HIPK1: variants seen among roughly 807,000 people sequenced by gnomAD.
HIPK1 encodes the protein homeodomain interacting protein kinase 1, also known as homeodomain-interacting protein kinase 1.
HIPK1 carries 28 observed loss-of-function variants against 117.1 expected under a neutral mutation model. That is an observed-to-expected ratio of 0.24 (90% CI 0.18 to 0.33). The LOEUF is 0.33. Ranked by LOEUF, HIPK1 falls within the 10% of genes least tolerant of loss-of-function variation. HIPK1 has a pLI of 1.00. For missense variants in HIPK1, 1,122 were observed against 1,475.1 expected (o/e 0.76, Z 3.92); for synonymous variants, 605 against 562.5 (o/e 1.08, Z -1.07).
intron 8 of HIPK1, 148 bp downstream of exon 8, chr1:113,958,439 T>A: frequency 1.6e-6 from 1 of 609,174 alleles, no homozygotes; most frequent in Non-Finnish European, 2.9e-6. Context: ...ACAAAATGGA[T>A]TTTCTCTTTT....
Position 113,940,423 on chromosome 1 carries a change from T to C in HIPK1, c.40T>C (p.Ser14Pro), listed in dbSNP as rs1366628641. Residue 14 changes from serine (S) to proline (P), a missense_variant, in exon 2 of 16, where the codon TCG becomes CCG. Ser to Pro is a moderately conservative substitution (Grantham distance 74). Around this residue, in one of 6 missense-constraint regions of HIPK1, gnomAD observed 192 missense variants for 234.0 expected, o/e 0.82. Transcript: ENST00000426820. ...GCAAGTGTTTTCGCCCCCATCAGTG[T>C]CGTCGAGTGCCTTCTGCAGTGCGAA... ...QLQVFSPPSV[S>P]SSAFCSAKKL... is the part of the protein sequence containing the mutation. The C allele has an allele frequency of 1.2e-6, 2 of 1,613,156 alleles. No individual in the cohort carries two copies. Among genetic ancestry groups the C allele is most frequent in the Admixed American group, 3.3e-5 (2 of 59,936 alleles).
In HIPK1 at chr1:113,963,374, A is replaced by C; in HGVS notation, c.2104-13A>C. 6.2e-7 allele frequency: 1 copy of C among 1,612,582 alleles called. No individual in the cohort carries two copies. Among genetic ancestry groups the C allele is most frequent in the Non-Finnish European group, 8.5e-7 (1 of 1,179,550 alleles). On this transcript the variant is annotated splice_polypyrimidine_tract_variant and intron_variant, in intron 9 of 15. Coordinates refer to ENST00000426820, the MANE Select transcript of HIPK1 (RefSeq NM_198268.3). The stretch of plus-strand genomic sequence containing the variant: ...CGTGTTTGTTTCACTCACCTGCCTA[A>C]TCTACGTTTCAGGGAAGCTGTACAC...
At chr1:113,942,143 C>G (rs955765135) in intron 2 of HIPK1, among the ~76,000 whole-genome samples, 5 of 151,722 alleles carry the variant, frequency 3.3e-5, no homozygotes, top group Admixed American at 3.3e-4. Flanking sequence ...ACGGCAGCCT[C>G]CACCTCCTGG....
rs1321881466 is a variant in HIPK1 at position 113,974,764 on chromosome 1, A to G, written c.*1252A>G. On this transcript the variant is annotated 3_prime_UTR_variant, in exon 16 of 16. Transcript: ENST00000426820. The stretch of plus-strand genomic sequence containing the variant: ...TAATGGTGGTGTTTTAATATTTTAC[A>G]TAATTAAATATGTACATATTGATTA... 6.6e-6 allele frequency: 1 copy of G among 152,666 alleles called. No individual in the cohort carries two copies. Among genetic ancestry groups the G allele is most frequent in the Non-Finnish European group, 1.5e-5 (1 of 68,048 alleles). The allele number at this position is 152,666 out of a possible 1,614,324, so 9.5% of individuals were successfully genotyped here. A position where few individuals can be genotyped will look rare whatever the true frequency, so the allele number is the denominator to read the frequency against.
At chr1:113,947,460 T>C (rs1198301115) in intron 2 of HIPK1, among the ~76,000 whole-genome samples, 1 of 152,212 alleles carries the variant, frequency 6.6e-6, no homozygotes, top group Non-Finnish European at 1.5e-5. Flanking sequence ...AGTCAAAATA[T>C]AGTTTCACCT....
rs1673135755 is a variant in HIPK1, at chr1:113,976,391, T to C, written c.*2879T>C. On this transcript the variant is annotated 3_prime_UTR_variant, in exon 16 of 16. Coordinates refer to ENST00000426820, the MANE Select transcript of HIPK1 (RefSeq NM_198268.3). The stretch of plus-strand genomic sequence containing the variant: ...TAGTTTCTAAAGGACAAATTTTTTG[T>C]TCCTTGTCTTTTTTCTGTAAGGGAC... 6.6e-6 allele frequency: 1 copy of C among 152,422 alleles called. No individual in the cohort carries two copies. The highest frequency in any genetic ancestry group is 1.5e-5 in the Non-Finnish European group (1 of 68,038). 9.4% of individuals were successfully genotyped at this position (152,422 alleles called of 1,614,324 possible).
intron 2 of HIPK1, among the ~76,000 whole-genome samples, chr1:113,943,961 C>G (rs1192233217): frequency 6.6e-6 from 1 of 151,968 alleles, no homozygotes; most frequent in African/African-American, 2.4e-5. Flanking sequence ...ACTGCAGTCA[C>G]ACTCCACCAT....
At chr1:113,969,929 A>G (rs746638896) in intron 13 of HIPK1, 27 bp from the exon 14 acceptor site, 22 of 1,612,276 alleles carry the variant, frequency 1.4e-5, no homozygotes, top group South Asian at 3.3e-5. Context: ...GAACAATTCA[A>G]TTTTCATGTA....
rs765313286 is a variant in HIPK1, at chr1:113,940,724, T to C, written c.341T>C (p.Leu114Ser). 6.2e-7 allele frequency: 1 copy of C among 1,614,174 alleles called. No individual in the cohort carries two copies. Among genetic ancestry groups the C allele is most frequent in the South Asian group, 1.1e-5 (1 of 91,078 alleles). ...CTGACTCACAGAAGCAACGTTTCTTTGCTTGAGCCATATCAAAAATGTGGA... is the reference window on the plus strand; with the variant it reads ...CTGACTCACAGAAGCAACGTTTCTTCGCTTGAGCCATATCAAAAATGTGGA... Reference protein sequence around the residue: ...QTLTHRSNVSLLEPYQKCGLK... With the variant: ...QTLTHRSNVSSLEPYQKCGLK... The change falls in exon 2 of 16, where the codon TTG becomes TCG. Residue 114 changes from leucine to serine, a missense_variant. By Grantham distance (145) the Leu-to-Ser change is moderately radical. This residue lies in a region of HIPK1 where 192 missense variants were observed against 234.0 expected (regional missense o/e 0.82). Coordinates refer to ENST00000426820, the MANE Select transcript of HIPK1 (RefSeq NM_198268.3).
At chr1:113,969,895 A>G in intron 13 of HIPK1, 61 bp from the exon 14 acceptor site, 1 of 1,582,764 alleles carries the variant, frequency 6.3e-7, no homozygotes, top group Non-Finnish European at 8.6e-7. Context: ...TGACAGAACA[A>G]GACGCTGTCA....
At chr1:113,963,316 T>A in intron 9 of HIPK1, 71 bp from the exon 10 acceptor site, 3 of 1,547,384 alleles carry the variant, frequency 1.9e-6, no homozygotes, top group Non-Finnish European at 2.6e-6. Flanking sequence ...TTGGGGGGAA[T>A]GAGAACCCTT....
intron 2 of HIPK1, among the ~76,000 whole-genome samples, chr1:113,948,587 T>C (rs1470719225): frequency 1.3e-5 from 2 of 151,920 alleles, no homozygotes; most frequent in Non-Finnish European, 2.9e-5. Context: ...TTTCCTTTTT[T>C]TGTTTTTCCT....
At chr1:113,951,291 G>A (rs150875931) in intron 2 of HIPK1, 3 of 981,306 alleles carry the variant, frequency 3.1e-6, no homozygotes, top group Non-Finnish European at 3.6e-6. Context: ...TTACATAGAT[G>A]AGTATGTACT....
chr1:113,945,147 C>T (rs1048294501), intron 2 of HIPK1, among the ~76,000 whole-genome samples: 5 of 152,174 alleles, frequency 3.3e-5, no homozygotes, highest in Non-Finnish European at 7.4e-5. Flanking sequence ...CCATGCCCAG[C>T]CTGGCATTTT....
At position 113,973,698 on chromosome 1, in the gene HIPK1, T is replaced by G; in HGVS notation, c.*186T>G. On this transcript the variant is annotated 3_prime_UTR_variant, in exon 16 of 16. Transcript: ENST00000426820. ...CCTGTCTCAGTGTTGACTGCATTGT[T>G]GTAGTCTTCCCAAAGTTTGCCCTAT... is the stretch of plus-strand genomic sequence containing the variant. 3.7e-6 allele frequency: 2 copies of G among 536,920 alleles called. No individual in the cohort carries two copies. Among genetic ancestry groups the G allele is most frequent in the Non-Finnish European group, 6.1e-6 (2 of 328,982 alleles). The allele number at this position is 536,920 out of a possible 1,614,324, so 33.3% of individuals were successfully genotyped here.
Position 113,970,003 on chromosome 1 carries a change from A to G in HIPK1, c.2819A>G (p.Asn940Ser), listed in dbSNP as rs1462995460. Reference protein sequence around the residue: ...RSNVISYVTVNDSPDSDSSLS... With the variant: ...RSNVISYVTVSDSPDSDSSLS... Reference sequence around the variant, plus strand: ...AATGTCATCAGTTATGTCACTGTCAATGATTCTCCAGACTCTGACTCTTCT... The same window carrying G: ...AATGTCATCAGTTATGTCACTGTCAGTGATTCTCCAGACTCTGACTCTTCT... The change falls in exon 14 of 16, where the codon AAT becomes AGT. Residue 940 changes from asparagine to serine, a missense_variant. This residue lies in a region of HIPK1 where 731 missense variants were observed against 860.4 expected (regional missense o/e 0.85). Coordinates refer to ENST00000426820, the MANE Select transcript of HIPK1 (RefSeq NM_198268.3). 1.9e-6 allele frequency: 3 copies of G among 1,614,152 alleles called. No homozygotes were observed. Among genetic ancestry groups the G allele is most frequent in the African/African-American group, 1.3e-5 (1 of 75,048 alleles).
chr1:113,951,056 T>C (rs367791857), intron 2 of HIPK1: 2 of 186,326 alleles, frequency 1.1e-5, no homozygotes, highest in Non-Finnish European at 2.0e-5. Flanking sequence ...TATCTTAGAA[T>C]TGATGACATC....
At chr1:113,933,791 C>T (rs1436597110) in intron 1 of HIPK1, among the ~76,000 whole-genome samples, 4 of 152,140 alleles carry the variant, frequency 2.6e-5, no homozygotes, top group Non-Finnish European at 5.9e-5. Flanking sequence ...GGATTGAGCC[C>T]TGGAGGTCCA....
In HIPK1 at chr1:113,941,544, A is replaced by G. The variant is rs1670638035; in HGVS notation, c.1076+85A>G. On this transcript the variant is annotated intron_variant, in intron 2 of 15. Transcript: ENST00000426820. This position sits in a 1 kb window ranked among gnomAD's most constrained non-coding sequence, Gnocchi z 4.9. ...TATACCCCGTAGGCTACATATAGCA[A>G]TGAATTTGTTTATAGATTCTGAGAT... 9.8e-7 allele frequency: 1 copy of G among 1,023,738 alleles called. No homozygotes were observed. Among genetic ancestry groups the G allele is most frequent in the East Asian group, 2.4e-5 (1 of 41,874 alleles). 63.4% of individuals were successfully genotyped at this position (1,023,738 alleles called of 1,614,324 possible).
Sources: allele counts gnomAD v4.1 joint callset (sites outside exome capture counted in the v4.1 genomes callset), GRCh38; gene constraint gnomAD v4.1.1; regional missense constraint gnomAD v4.1.1; non-coding constraint Gnocchi (gnomAD v3.1); transcripts MANE v1.5; gene names NCBI Gene and HGNC (gene_info 2026-07-23, HGNC 2026-07-21).